Variants in ZBTB7C observed in about 807,000 individuals in gnomAD.
The protein encoded by ZBTB7C is zinc finger and BTB domain containing 7C, also known as zinc finger and BTB domain-containing protein 7C.
Under a neutral mutation model 25.7 loss-of-function variants are expected in ZBTB7C, and 8 were observed. The ratio of observed to expected loss-of-function variants is 0.31; its 90% confidence interval spans 0.18 to 0.56. The LOEUF (loss-of-function observed/expected upper bound fraction) is 0.56, where lower values mean the gene tolerates loss of function less well. Ranked by LOEUF, ZBTB7C falls within the 20% of genes least tolerant of loss-of-function variation. The pLI is 0.91. For synonymous variants in ZBTB7C, 394 were observed against 369.0 expected, an observed-to-expected ratio of 1.07 and a Z score of -0.78; for missense variants, 824 against 855.2, an observed-to-expected ratio of 0.96 and a Z score of 0.46.
intron 2 of ZBTB7C, among the ~76,000 whole-genome samples, chr18:48,266,639 CT>C (rs2044322854): frequency 6.6e-6 from 1 of 152,202 alleles, no homozygotes; most frequent in Admixed American, 6.5e-5. Flanking sequence ...CACAACCCCC[CT>C]AGCATCCGTA....
intron 3 of ZBTB7C, among the ~76,000 whole-genome samples, chr18:48,147,045 T>C (rs1191664725): frequency 6.6e-6 from 1 of 152,200 alleles, no homozygotes; most frequent in African/African-American, 2.4e-5. Flanking sequence ...GGTACAGGCT[T>C]CTGATGGAGT....
chr18:48,291,154 C>T (rs2045218371), intron 2 of ZBTB7C, among the ~76,000 whole-genome samples: 1 of 152,176 alleles, frequency 6.6e-6, no homozygotes, highest in Admixed American at 6.5e-5. Flanking sequence ...AGAGGGCTGG[C>T]TGAAGAGCAT....
intron 3 of ZBTB7C, among the ~76,000 whole-genome samples, chr18:48,184,393 C>T (rs1308812727): frequency 1.3e-5 from 2 of 152,174 alleles, no homozygotes; most frequent in Non-Finnish European, 2.9e-5. Context: ...GCAGCTCTAC[C>T]ACTTACTAGC....
chr18:48,123,300 G>A (rs2039691694), intron 3 of ZBTB7C, among the ~76,000 whole-genome samples: 1 of 152,228 alleles, frequency 6.6e-6, no homozygotes, highest in Admixed American at 6.5e-5. Flanking sequence ...AGGGCACAGA[G>A]ATGAGCCACC....
intron 4 of ZBTB7C, among the ~76,000 whole-genome samples, chr18:48,038,769 G>A (rs985986632): frequency 1.3e-5 from 2 of 152,132 alleles, no homozygotes; most frequent in East Asian, 1.9e-4. Flanking sequence ...TTCTCTGAGA[G>A]GGACAGTGGC....
At position 48,127,310 on chromosome 18, in the gene ZBTB7C, C is replaced by T. The variant is rs1235254434; in HGVS notation, c.-17+58624G>A. Among the ~76,000 whole-genome samples, 3 of 152,352 alleles carry T rather than the reference C, an allele frequency of 2.0e-5. No individual in the cohort carries two copies. The East Asian group carries it at 5.8e-4, about 29-fold the overall frequency. The stretch of plus-strand genomic sequence containing the variant: ...TCAGAGCACCTCCCTGAAGGCTCCC[C>T]TGAGCCCTTGGTCGAGACCTCCTCC... On this transcript the variant is annotated intron_variant, in intron 3 of 4. Transcript: ENST00000590800.
At chr18:48,356,739 G>A (rs1242024699) in intron 1 of ZBTB7C, among the ~76,000 whole-genome samples, 1 of 152,256 alleles carries the variant, frequency 6.6e-6, no homozygotes, top group African/African-American at 2.4e-5. Context: ...CATTCTTATC[G>A]GACAATTCAA....
intron 1 of ZBTB7C, among the ~76,000 whole-genome samples, chr18:48,340,545 A>AACT (rs1199099284): frequency 1.3e-5 from 2 of 152,186 alleles, no homozygotes; most frequent in Non-Finnish European, 2.9e-5. Context: ...AAGGAGAAGA[A>AACT]ACTACACTCT....
intron 3 of ZBTB7C, among the ~76,000 whole-genome samples, chr18:48,124,498 C>T (rs1439089694): frequency 1.3e-5 from 2 of 152,320 alleles, no homozygotes; most frequent in East Asian, 1.9e-4. Context: ...ATTATTACTA[C>T]AGAGGAGCCA....
At chr18:48,111,104 G>A (rs149140456) in intron 3 of ZBTB7C, among the ~76,000 whole-genome samples, 3,397 of 152,186 alleles carry the variant, frequency 0.022, 68 homozygotes, top group Non-Finnish European at 0.035. Context: ...CAAGCATTGC[G>A]GTGAGAGAAG....
In ZBTB7C at chr18:48,040,062, G is replaced by A; in HGVS notation, c.1046C>T (p.Pro349Leu). The A allele has an allele frequency of 1.2e-6, 2 of 1,613,618 alleles. No homozygotes were observed. Among genetic ancestry groups the A allele is most frequent in the Non-Finnish European group, 1.7e-6 (2 of 1,179,752 alleles). Reference sequence around the variant, plus strand: ...CTTGCGCTCTTCTACCAGGGGCCAGGGTGGGAAGAGGCCTCCCAGGTGGGT... The same window carrying A: ...CTTGCGCTCTTCTACCAGGGGCCAGAGTGGGAAGAGGCCTCCCAGGTGGGT... ...SATHLGGLFP[P>L]WPLVEERKLK... is the part of the protein sequence containing the mutation. Residue 349 changes from proline to leucine, a missense_variant, in exon 4 of 5, where the codon CCC becomes CTC. Around this residue, in one of 4 missense-constraint regions of ZBTB7C, gnomAD observed 316 missense variants for 299.2 expected, o/e 1.06. Transcript: ENST00000590800.
intron 2 of ZBTB7C, among the ~76,000 whole-genome samples, chr18:48,294,869 C>A (rs1163077909): frequency 6.6e-6 from 1 of 152,190 alleles, no homozygotes; most frequent in Non-Finnish European, 1.5e-5. Context: ...TGCTGCCCTG[C>A]CACTTGGCCT....
chr18:48,029,157 T>G lies in ZBTB7C; in HGVS notation c.*103A>C. 2.9e-6 allele frequency: 4 copies of G among 1,361,784 alleles called. No homozygotes were observed. The highest frequency in any genetic ancestry group is 3.9e-6 in the Non-Finnish European group (4 of 1,035,830). 84.4% of individuals were successfully genotyped at this position (1,361,784 alleles called of 1,614,324 possible). ...TTATTATTATTTTCCCATTTTCCCT[T>G]TGTGTTTTTAAAATGAAAAGTTCAG... On this transcript the variant is annotated 3_prime_UTR_variant, in exon 5 of 5. Coordinates refer to ENST00000590800, the MANE Select transcript of ZBTB7C (RefSeq NM_001318841.2).
intron 1 of ZBTB7C, chr18:48,346,757 C>T (rs572143413): frequency 2.6e-4 from 39 of 152,294 alleles, no homozygotes; most frequent in African/African-American, 7.9e-4. Flanking sequence ...TTCACTCCAA[C>T]TCTACATCCC....
chr18:48,227,954 G>T (rs930514084), intron 2 of ZBTB7C, among the ~76,000 whole-genome samples: 1 of 152,160 alleles, frequency 6.6e-6, no homozygotes, highest in Non-Finnish European at 1.5e-5. Flanking sequence ...CATATGAAAA[G>T]TCCAATGCAG....
intron 2 of ZBTB7C, among the ~76,000 whole-genome samples, chr18:48,238,228 A>G (rs1449787740): frequency 6.6e-6 from 1 of 152,216 alleles, no homozygotes; most frequent in Non-Finnish European, 1.5e-5. Context: ...AATATTTGTT[A>G]AACTGTGCAT....
rs189057263 is a variant in ZBTB7C at position 48,265,904 on chromosome 18, G to A, written c.-79+72270C>T. ...GACATCATTGAGACACTTGCACAAC[G>A]TAATGAGGGTCTGAGGATTATGAAG... is the stretch of plus-strand genomic sequence containing the variant. On this transcript the variant is annotated intron_variant, in intron 2 of 4. Transcript: ENST00000590800. Among the ~76,000 whole-genome samples the A allele has an allele frequency of 2.8e-4, 43 of 152,288 alleles. 1 individual carries two copies. Among genetic ancestry groups the A allele is most frequent in the Admixed American group, 1.8e-3 (28 of 15,298 alleles).
At chr18:48,042,516 A>ATGT (rs779645156) in intron 3 of ZBTB7C, among the ~76,000 whole-genome samples, 1 of 152,192 alleles carries the variant, frequency 6.6e-6, no homozygotes, top group Non-Finnish European at 1.5e-5. Flanking sequence ...TATCTTCTGG[A>ATGT]TGTTTCTGTC....
At chr18:48,373,217 G>A (rs1023638825) in intron 1 of ZBTB7C, among the ~76,000 whole-genome samples, 3 of 150,590 alleles carry the variant, frequency 2.0e-5, no homozygotes, top group Admixed American at 6.6e-5. Context: ...GATCCCTCAC[G>A]GCTTGGTACG....
Sources: gnomAD v4.1 joint callset for allele counts (sites outside exome capture counted in the v4.1 genomes callset) on GRCh38, gnomAD v4.1.1 for gene constraint, gnomAD v4.1.1 regional missense constraint, MANE v1.5 for transcripts, NCBI Gene and HGNC (gene_info 2026-07-23, HGNC 2026-07-21) for gene names.